The following KCNH5 variants were observed in gnomAD, a reference collection of about 807,000 sequenced individuals.
KCNH5 encodes voltage-gated delayed rectifier potassium channel KCNH5.
In KCNH5, 46 loss-of-function variants were observed where a neutral mutation model predicts 96.1. That is an observed-to-expected ratio of 0.48 (90% CI 0.38 to 0.61). The LOEUF (loss-of-function observed/expected upper bound fraction) is 0.61, where lower values mean the gene tolerates loss of function less well. Ranked by LOEUF, KCNH5 falls within the 20% of genes least tolerant of loss-of-function variation. The pLI, the probability that KCNH5 is intolerant of heterozygous loss-of-function variation, is 0.00. For synonymous variants in KCNH5, 439 were observed against 449.8 expected (o/e 0.98, Z 0.30); for missense variants, 907 against 1,225.8 (o/e 0.74, Z 3.88).
At chr14:62,958,806 A>G (rs1298544615) in intron 6 of KCNH5, among the ~76,000 whole-genome samples, 1 of 152,030 alleles carries the variant, frequency 6.6e-6, no homozygotes, top group East Asian at 1.9e-4. Context: ...CTATAAATTC[A>G]TTACCATCAC....
At chr14:62,785,670 AG>A in intron 9 of KCNH5, among the ~76,000 whole-genome samples, 1 of 152,318 alleles carries the variant, frequency 6.6e-6, no homozygotes, top group Non-Finnish European at 1.5e-5. Flanking sequence ...TACAGGAAAA[AG>A]GATTGTAAAA....
intron 10 of KCNH5, among the ~76,000 whole-genome samples, chr14:62,737,384 T>G (rs937115552): frequency 6.6e-6 from 1 of 152,168 alleles, no homozygotes; most frequent in Non-Finnish European, 1.5e-5. Context: ...GCAGAATGAA[T>G]ACTGACTACC....
rs114493070 is a variant in KCNH5, at chr14:62,971,948, A to G, written c.942+8924T>C. ...AATCTAGATGACCTTGAGTATGACA[A>G]TGACTTTATAGATACAACACCAAAG... On this transcript the variant is annotated intron_variant, in intron 6 of 10. Transcript: ENST00000322893. Among the ~76,000 whole-genome samples the G allele has an allele frequency of 5.5e-3, 838 of 152,316 alleles. 5 individuals are homozygous for G. Among genetic ancestry groups the G allele is most frequent in the African/African-American group, 0.019 (790 of 41,580 alleles).
chr14:62,738,689 A>C (rs895229521), intron 10 of KCNH5, among the ~76,000 whole-genome samples: 4 of 152,156 alleles, frequency 2.6e-5, no homozygotes, highest in Non-Finnish European at 5.9e-5. Context: ...GATATTCATC[A>C]AACAGTTAAA....
In KCNH5 at chr14:62,781,958, T is replaced by C. The variant is rs527545209; in HGVS notation, c.1823-2034A>G. 2.3e-4 allele frequency among the ~76,000 whole-genome samples: 35 copies of C among 152,350 alleles called. No homozygotes were observed. In the East Asian group the frequency reaches 5.4e-3, roughly 24 times the overall value. ...AATCTTTACAACTTATGCTTAGAGATTGCAGTAAAGACAGGAATAAGAAAT... is the reference window on the plus strand; with the variant it reads ...AATCTTTACAACTTATGCTTAGAGACTGCAGTAAAGACAGGAATAAGAAAT... On this transcript the variant is annotated intron_variant, in intron 9 of 10. Coordinates refer to ENST00000322893, the MANE Select transcript of KCNH5 (RefSeq NM_139318.5).
chr14:62,845,103 C>G (rs954730762), intron 8 of KCNH5, among the ~76,000 whole-genome samples: 1 of 151,510 alleles, frequency 6.6e-6, no homozygotes, highest in Non-Finnish European at 1.5e-5. Context: ...ATTTGATAAC[C>G]TCTATTTAAA....
chr14:62,836,090 A>G (rs976098505), intron 8 of KCNH5, among the ~76,000 whole-genome samples: 2 of 152,096 alleles, frequency 1.3e-5, no homozygotes, highest in African/African-American at 4.8e-5. Context: ...GCTTTCTTAC[A>G]GGAGTACTGT....
intron 7 of KCNH5, among the ~76,000 whole-genome samples, chr14:62,915,911 G>T (rs1340080483): frequency 6.6e-6 from 1 of 151,730 alleles, no homozygotes; most frequent in Non-Finnish European, 1.5e-5. Flanking sequence ...CACCTGCATA[G>T]TAAGTGGCTT....
At chr14:62,724,721 C>T (rs1280304225) in intron 10 of KCNH5, among the ~76,000 whole-genome samples, 2 of 152,174 alleles carry the variant, frequency 1.3e-5, no homozygotes, top group African/African-American at 4.8e-5. Flanking sequence ...CAGTAATTGA[C>T]CTGTAGTGTC....
At chr14:63,002,040 T>A (rs1594668902) in intron 3 of KCNH5, among the ~76,000 whole-genome samples, 1 of 152,284 alleles carries the variant, frequency 6.6e-6, no homozygotes, top group Middle Eastern at 3.4e-3. Context: ...AGAGAGAGGA[T>A]GTCAGCAAAA....
intron 7 of KCNH5, among the ~76,000 whole-genome samples, chr14:62,939,766 C>A (rs527301774): frequency 6.6e-6 from 1 of 152,154 alleles, no homozygotes; most frequent in Non-Finnish European, 1.5e-5. Flanking sequence ...GTGGTGAAAC[C>A]CCCAACTCTA....
At chr14:62,963,367 G>A (rs1031085831) in intron 6 of KCNH5, among the ~76,000 whole-genome samples, 2 of 152,072 alleles carry the variant, frequency 1.3e-5, no homozygotes, top group Non-Finnish European at 2.9e-5. Context: ...GGGAATAACT[G>A]TATATAGATG....
chr14:62,836,304 G>T (rs1887465630), intron 8 of KCNH5, among the ~76,000 whole-genome samples: 1 of 152,032 alleles, frequency 6.6e-6, no homozygotes, highest in African/African-American at 2.4e-5. Flanking sequence ...TATTAGAAAA[G>T]CCTAGTATTA....
intron 7 of KCNH5, among the ~76,000 whole-genome samples, chr14:62,861,619 C>A (rs11621432): frequency 6.8e-6 from 1 of 147,854 alleles, no homozygotes; most frequent in Non-Finnish European, 1.5e-5. Flanking sequence ...AGGCACATTT[C>A]CCCCCACCAT....
At position 62,703,001 on chromosome 14, in the gene KCNH5, T is replaced by C. The variant is rs1214634629; in HGVS notation, c.*4507A>G. On this transcript the variant is annotated 3_prime_UTR_variant, in exon 11 of 11. Coordinates refer to ENST00000322893, the MANE Select transcript of KCNH5 (RefSeq NM_139318.5). ...CATTCAGTTTTGTTACATAGATACA[T>C]TGGTGAACTACTCTATACCTTGGCC... 2.6e-5 allele frequency: 4 copies of C among 151,908 alleles called. No homozygotes were observed. The highest frequency in any genetic ancestry group is 4.8e-5 in the African/African-American group (2 of 41,436). 9.4% of individuals were successfully genotyped at this position (151,908 alleles called of 1,614,324 possible).
At chr14:63,009,705 T>C (rs1293997754) in intron 2 of KCNH5, among the ~76,000 whole-genome samples, 2 of 152,174 alleles carry the variant, frequency 1.3e-5, no homozygotes, top group Non-Finnish European at 2.9e-5. Flanking sequence ...CAGCCAAAGT[T>C]GTCCAAGCCA....
chr14:62,914,127 T>C (rs1023740989), intron 7 of KCNH5, among the ~76,000 whole-genome samples: 3 of 152,194 alleles, frequency 2.0e-5, no homozygotes, highest in Non-Finnish European at 2.9e-5. Flanking sequence ...AAAATTAAAT[T>C]TGCTAATGAT....
At chr14:62,747,858 G>T (rs1885411270) in intron 10 of KCNH5, among the ~76,000 whole-genome samples, 1 of 152,126 alleles carries the variant, frequency 6.6e-6, no homozygotes, top group Admixed American at 6.5e-5. Flanking sequence ...TTAGAAAATT[G>T]GAATTAGATA....
At chr14:62,796,701 C>G (rs1047203165) in intron 9 of KCNH5, among the ~76,000 whole-genome samples, 1 of 152,168 alleles carries the variant, frequency 6.6e-6, no homozygotes, top group South Asian at 2.1e-4. Flanking sequence ...GCACCCGTGA[C>G]ACATCCTCAG....
Sources: allele counts gnomAD v4.1 joint callset (sites outside exome capture counted in the v4.1 genomes callset), GRCh38; gene constraint gnomAD v4.1.1; transcripts MANE v1.5; gene names NCBI Gene and HGNC (gene_info 2026-07-23, HGNC 2026-07-21).